KCNJ6: variants seen among roughly 807,000 people sequenced by gnomAD.
KCNJ6 encodes the protein G protein-activated inward rectifier potassium channel 2.
A neutral mutation model predicts 34.2 loss-of-function variants in KCNJ6; 9 were observed. The ratio of observed to expected loss-of-function variants is 0.26; its 90% CI spans 0.16 to 0.46. The LOEUF (loss-of-function observed/expected upper bound fraction) is 0.46, where lower values mean the gene tolerates loss of function less well. Ranked by LOEUF, KCNJ6 falls within the 20% of genes least tolerant of loss-of-function variation. The pLI is 1.00. For missense variants in KCNJ6, 236 were observed against 531.3 expected (o/e 0.44, Z 5.46); for synonymous variants, 196 against 207.1 (o/e 0.95, Z 0.46).
chr21:37,742,966 G>T (rs1177241554), intron 2 of KCNJ6, among the ~76,000 whole-genome samples: 7 of 152,242 alleles, frequency 4.6e-5, no homozygotes, highest in Non-Finnish European at 7.4e-5. Context: ...TGCCTCTGTT[G>T]TCTCCCAGGC....
intron 2 of KCNJ6, among the ~76,000 whole-genome samples, chr21:37,742,692 T>G (rs1312518756): frequency 6.6e-6 from 1 of 152,188 alleles, no homozygotes; most frequent in African/African-American, 2.4e-5. Context: ...TCACCATATC[T>G]AGATCACTGT....
At chr21:37,862,663 A>G (rs2055600498) in intron 1 of KCNJ6, among the ~76,000 whole-genome samples, 1 of 151,812 alleles carries the variant, frequency 6.6e-6, no homozygotes, top group African/African-American at 2.4e-5. Flanking sequence ...TCAGAGAAAT[A>G]TGAAGAAACT....
In KCNJ6 at chr21:37,747,634, C is replaced by A. The variant is rs76874962; in HGVS notation, c.26-32503G>T. Among the ~76,000 whole-genome samples, 1,268 of 151,724 alleles carry A rather than the reference C, an allele frequency of 8.4e-3. 9 individuals are homozygous for A. The highest frequency in any genetic ancestry group is 0.013 in the Non-Finnish European group (889 of 67,956). On this transcript the variant is annotated intron_variant, in intron 2 of 3. Transcript: ENST00000609713. ...AGTCCTTTTAAGTGGGAGAGGGAGG[C>A]AGGAGAGGGAGAACGAGAGAGATGG... is the stretch of plus-strand genomic sequence containing the variant.
intron 1 of KCNJ6, among the ~76,000 whole-genome samples, chr21:37,879,613 C>T (rs57021909): frequency 0.27 from 40,326 of 151,702 alleles, 6,799 homozygotes; most frequent in African/African-American, 0.49. Flanking sequence ...CTCTCTTCCC[C>T]GGCTGAAGAC....
chr21:37,803,679 C>T (rs910582846), intron 2 of KCNJ6, among the ~76,000 whole-genome samples: 3 of 152,178 alleles, frequency 2.0e-5, no homozygotes, highest in Non-Finnish European at 4.4e-5. Flanking sequence ...ATGGTGGGCA[C>T]ACACCAGCAG....
chr21:37,700,967 GACCTGGGC>G (rs948046697), intron 3 of KCNJ6, among the ~76,000 whole-genome samples: 3 of 152,086 alleles, frequency 2.0e-5, no homozygotes, highest in Non-Finnish European at 2.9e-5. Flanking sequence ...GGTCATTTCC[GACCTGGGC>G]ACCTGGGAGA....
intron 1 of KCNJ6, among the ~76,000 whole-genome samples, chr21:37,858,894 A>T (rs2055578653): frequency 6.6e-6 from 1 of 152,208 alleles, no homozygotes; most frequent in Non-Finnish European, 1.5e-5. Flanking sequence ...AAGGTGAAGG[A>T]GGAAAGAAAC....
chr21:37,844,378 G>A (rs903152807), intron 1 of KCNJ6, among the ~76,000 whole-genome samples: 5 of 151,888 alleles, frequency 3.3e-5, no homozygotes, highest in Non-Finnish European at 7.4e-5. Context: ...TTTTAAAGTT[G>A]GTCTTCCCTC....
chr21:37,855,286 G>A (rs2055559033), intron 1 of KCNJ6, among the ~76,000 whole-genome samples: 1 of 152,136 alleles, frequency 6.6e-6, no homozygotes, highest in Non-Finnish European at 1.5e-5. Flanking sequence ...CAGTTCTTCA[G>A]AAGTTTTTGG....
At chr21:37,734,032 C>A (rs1419631072) in intron 2 of KCNJ6, among the ~76,000 whole-genome samples, 1 of 152,194 alleles carries the variant, frequency 6.6e-6, no homozygotes, top group East Asian at 1.9e-4. Flanking sequence ...GTCCTGCCAG[C>A]TTCATTATCA....
chr21:37,880,623 T>G (rs1378245893), intron 1 of KCNJ6, among the ~76,000 whole-genome samples: 1 of 152,228 alleles, frequency 6.6e-6, no homozygotes, highest in East Asian at 1.9e-4. Context: ...CAGACGGCTT[T>G]GCATTTTCTG....
intron 2 of KCNJ6, among the ~76,000 whole-genome samples, chr21:37,821,253 A>T (rs1421802288): frequency 6.6e-6 from 1 of 152,216 alleles, no homozygotes; most frequent in African/African-American, 2.4e-5. Flanking sequence ...CTTAAAGTAA[A>T]CGTTACCTAC....
chr21:37,808,801 A>G (rs1487940252), intron 2 of KCNJ6, among the ~76,000 whole-genome samples: 4 of 152,220 alleles, frequency 2.6e-5, no homozygotes, highest in African/African-American at 9.6e-5. Flanking sequence ...CTCTTGGGCT[A>G]GCTCTCCCAG....
At chr21:37,893,057 T>A (rs1249624648) in intron 1 of KCNJ6, among the ~76,000 whole-genome samples, 3 of 151,750 alleles carry the variant, frequency 2.0e-5, no homozygotes, top group African/African-American at 7.3e-5. Flanking sequence ...GGTTTCACCA[T>A]GTTAGCCAGG....
intron 1 of KCNJ6, among the ~76,000 whole-genome samples, chr21:37,906,776 C>G (rs1373061423): frequency 6.6e-6 from 1 of 152,258 alleles, no homozygotes; most frequent in Admixed American, 6.5e-5. Context: ...AATGCGGCCT[C>G]TCTTCCAATG....
chr21:37,737,357 A>C (rs552435539), intron 2 of KCNJ6, among the ~76,000 whole-genome samples: 1 of 152,082 alleles, frequency 6.6e-6, no homozygotes, highest in African/African-American at 2.4e-5. Context: ...AAATATTTGC[A>C]TTTTCCTTTT....
intron 1 of KCNJ6, among the ~76,000 whole-genome samples, chr21:37,858,790 C>G (rs764164): frequency 0.47 from 70,977 of 151,760 alleles, 17,352 homozygotes; most frequent in East Asian, 0.61. Context: ...TTGAAGATAT[C>G]ATAAAGGGAG....
chr21:37,879,199 C>T (rs1056596039), intron 1 of KCNJ6, among the ~76,000 whole-genome samples: 1 of 152,098 alleles, frequency 6.6e-6, no homozygotes, highest in Non-Finnish European at 1.5e-5. Flanking sequence ...CCAAATTGCT[C>T]AGTGTCTAGA....
chr21:37,691,698 A>G (rs1243150130), intron 3 of KCNJ6, among the ~76,000 whole-genome samples: 3 of 152,146 alleles, frequency 2.0e-5, no homozygotes, highest in Non-Finnish European at 4.4e-5. Context: ...GATTTTGGAT[A>G]TGACAGTGGG....
Sources: allele counts gnomAD v4.1 joint callset (sites outside exome capture counted in the v4.1 genomes callset), GRCh38; gene constraint gnomAD v4.1.1; transcripts MANE v1.5; gene names NCBI Gene and HGNC (gene_info 2026-07-23, HGNC 2026-07-21).